The following NRCAM variants were observed in gnomAD, a reference collection of about 807,000 sequenced individuals.
The protein encoded by NRCAM is neuronal cell adhesion molecule, also known as NgCAM-related cell adhesion molecule.
NRCAM carries 83 observed loss-of-function variants against 156.5 expected under a neutral mutation model. That is an observed-to-expected ratio of 0.53 (90% confidence interval 0.44 to 0.64). The LOEUF (loss-of-function observed/expected upper bound fraction) is 0.64. Ranked by LOEUF, NRCAM falls within the 30% of genes least tolerant of loss-of-function variation. NRCAM has a pLI of 0.00. For missense variants in NRCAM, 1,417 were observed against 1,597.3 expected (o/e 0.89, Z 1.92); for synonymous variants, 538 against 563.9 (o/e 0.95, Z 0.65).
chr7:108,345,243 G>C (rs2099344215), intron 2 of NRCAM, among the ~76,000 whole-genome samples: 2 of 152,128 alleles, frequency 1.3e-5, no homozygotes, highest in Non-Finnish European at 2.9e-5. Context: ...GTGTAATGCT[G>C]GCAAGTTACT....
In NRCAM at chr7:108,209,439, T is replaced by C. The variant is rs1214635598; in HGVS notation, c.1057A>G (p.Ile353Val). 1 of 1,593,950 alleles carries C rather than the reference T, an allele frequency of 6.3e-7. No individual in the cohort carries two copies. The highest frequency in any genetic ancestry group is 2.3e-5 in the East Asian group (1 of 44,060). Reference sequence around the variant, plus strand: ...AATATACCTTTAACTCTAACAGAAATGGTATGGTGGATGGCTCCTAATGCG... The same window carrying C: ...AATATACCTTTAACTCTAACAGAAACGGTATGGTGGATGGCTCCTAATGCG... ...KNALGAIHHTISVRVKAAPYW... is the reference protein window; with the variant it reads ...KNALGAIHHTVSVRVKAAPYW... Residue 353 changes from isoleucine (I) to valine (V), a missense_variant, in exon 12 of 33, where the codon ATT (isoleucine) becomes GTT (valine). Coordinates refer to ENST00000379028, the MANE Select transcript of NRCAM (RefSeq NM_001037132.4).
chr7:108,242,222 A>C (rs984399452), intron 3 of NRCAM, among the ~76,000 whole-genome samples: 55 of 145,002 alleles, frequency 3.8e-4, no homozygotes, highest in African/African-American at 1.4e-3. Flanking sequence ...TTGTGCCACT[A>C]TACTCCAGCC....
Position 108,299,106 on chromosome 7 carries a change from A to AG in NRCAM, c.-107+13558_-107+13559insC, listed in dbSNP as rs1563163021. On this transcript the variant is annotated intron_variant, in intron 3 of 32. Transcript: ENST00000379028. ...GGGCCACAGAGCAAGACTCCATCTC[A>AG]AAAAAAAAAAAGAAAGAAAGAAAGA... Among the ~76,000 whole-genome samples the AG allele has an allele frequency of 4.0e-3, 37 of 9,230 alleles. 1 individual carries two copies. The highest frequency in any genetic ancestry group is 8.0e-3 in the African/African-American group (36 of 4,496). 6.1% of individuals were successfully genotyped at this position (9,230 alleles called of 152,430 possible).
chr7:108,150,340 G>C (rs2040551469), intron 32 of NRCAM, among the ~76,000 whole-genome samples, 193 bp from the exon 33 acceptor site: 1 of 152,196 alleles, frequency 6.6e-6, no homozygotes, highest in East Asian at 1.9e-4. Flanking sequence ...GTTGAATCAT[G>C]AAGTCTTCAG....
chr7:108,350,977 G>A (rs2099408202), intron 2 of NRCAM, among the ~76,000 whole-genome samples: 1 of 152,168 alleles, frequency 6.6e-6, no homozygotes, highest in African/African-American at 2.4e-5. Context: ...ATGCTGAACA[G>A]AGCCTAGCAC....
chr7:108,342,433 C>T (rs765185147), intron 2 of NRCAM, among the ~76,000 whole-genome samples: 26 of 152,304 alleles, frequency 1.7e-4, no homozygotes, highest in Non-Finnish European at 2.9e-4. Flanking sequence ...AGGCTTCTGC[C>T]GAATATGGAT....
intron 28 of NRCAM, among the ~76,000 whole-genome samples, chr7:108,174,546 A>G (rs903732913): frequency 2.6e-5 from 4 of 152,244 alleles, no homozygotes; most frequent in Non-Finnish European, 5.9e-5. Context: ...CCAGGGGTCA[A>G]AGACTGGGGC....
intron 2 of NRCAM, among the ~76,000 whole-genome samples, chr7:108,335,445 T>TTTTTTTTTTTTTTTC (rs2099171214): frequency 7.0e-6 from 1 of 143,604 alleles, no homozygotes; most frequent in Non-Finnish European, 1.5e-5. Context: ...TTTTTTTTTT[T>TTTTTTTTTTTTTTTC]TTTTTTTTTT....
intron 2 of NRCAM, among the ~76,000 whole-genome samples, chr7:108,348,840 AAG>A (rs1563375160): frequency 6.7e-5 from 10 of 149,892 alleles, no homozygotes; most frequent in African/African-American, 1.5e-4. Context: ...GAAGTGGAGG[AAG>A]CAGTGAGACG....
At position 108,448,947 on chromosome 7, in the gene NRCAM, C is replaced by T. The variant is rs374805556; in HGVS notation, c.-332+7296G>A. On this transcript the variant is annotated intron_variant, in intron 1 of 32. Coordinates refer to ENST00000379028, the MANE Select transcript of NRCAM (RefSeq NM_001037132.4). ...TACAAGGGAAGCTGGTTGGGCATTTCTGTATTTATTCAACTAGATAATAGA... is the reference window on the plus strand; with the variant it reads ...TACAAGGGAAGCTGGTTGGGCATTTTTGTATTTATTCAACTAGATAATAGA... 1.1e-4 allele frequency among the ~76,000 whole-genome samples: 16 copies of T among 152,174 alleles called. 1 individual carries two copies. In the East Asian group the frequency reaches 1.3e-3, roughly 13 times the overall value.
At chr7:108,180,883 A>G (rs1029215074) in intron 24 of NRCAM, among the ~76,000 whole-genome samples, 21 of 152,344 alleles carry the variant, frequency 1.4e-4, no homozygotes, top group African/African-American at 4.6e-4. Context: ...TATTACTGTT[A>G]TTCATATGGT....
At chr7:108,263,040 T>C (rs144135494) in intron 3 of NRCAM, among the ~76,000 whole-genome samples, 108 of 152,204 alleles carry the variant, frequency 7.1e-4, no homozygotes, top group African/African-American at 2.5e-3. Context: ...GGAAGGAAGG[T>C]GAACATCATA....
At chr7:108,318,878 T>C (rs1440306130) in intron 2 of NRCAM, among the ~76,000 whole-genome samples, 1 of 152,160 alleles carries the variant, frequency 6.6e-6, no homozygotes, top group African/African-American at 2.4e-5. Flanking sequence ...TCCAACCCTA[T>C]TCAGGAAGCA....
At position 108,157,096 on chromosome 7, in the gene NRCAM, T is replaced by G. The variant is rs151172678; in HGVS notation, c.3677+2367A>C. Among the ~76,000 whole-genome samples, 5 of 152,244 alleles carry G rather than the reference T, an allele frequency of 3.3e-5. No homozygotes were observed. In the East Asian group the frequency reaches 9.6e-4, roughly 29 times the overall value. Reference sequence around the variant, plus strand: ...TGTCCTTATGAACTTTTAGTTTCATTGAAAAAATTACATCATTGAGTTATG... The same window carrying G: ...TGTCCTTATGAACTTTTAGTTTCATGGAAAAAATTACATCATTGAGTTATG... On this transcript the variant is annotated intron_variant, in intron 32 of 32. Coordinates refer to ENST00000379028, the MANE Select transcript of NRCAM (RefSeq NM_001037132.4).
chr7:108,234,770 ACTTAC>A (rs778918303), intron 5 of NRCAM, 82 bp from the exon 6 acceptor site: 3 of 954,148 alleles, frequency 3.1e-6, no homozygotes, highest in African/African-American at 1.6e-5. Context: ...TATCAAAATC[ACTTAC>A]CTTAGACTAA....
chr7:108,435,332 A>C (rs1830738325), intron 1 of NRCAM, among the ~76,000 whole-genome samples: 1 of 152,214 alleles, frequency 6.6e-6, no homozygotes, highest in Non-Finnish European at 1.5e-5. Flanking sequence ...ACTAGAAAAC[A>C]GATCAACAGA....
At chr7:108,361,896 TTAC>T (rs2099554549) in intron 2 of NRCAM, among the ~76,000 whole-genome samples, 1 of 70,682 alleles carries the variant, frequency 1.4e-5, no homozygotes, top group Non-Finnish European at 3.2e-5. Context: ...CCTATTGGCC[TTAC>T]TTCTCTGTAG....
chr7:108,328,574 C>A (rs1318242693), intron 2 of NRCAM: 1 of 152,158 alleles, frequency 6.6e-6, no homozygotes, highest in Non-Finnish European at 1.5e-5. Context: ...ATGTTAAAGT[C>A]CTGCTCCTGA....
chr7:108,413,681 G>A (rs988440187), intron 1 of NRCAM, among the ~76,000 whole-genome samples: 1 of 152,128 alleles, frequency 6.6e-6, no homozygotes, highest in African/African-American at 2.4e-5. Context: ...CAGTAAGACA[G>A]GAATATAGGG....
Sources: gnomAD v4.1 joint callset for allele counts (sites outside exome capture counted in the v4.1 genomes callset) on GRCh38, gnomAD v4.1.1 for gene constraint, MANE v1.5 for transcripts, NCBI Gene and HGNC (gene_info 2026-07-23, HGNC 2026-07-21) for gene names.